The following VPS8 variants were observed in gnomAD, a reference collection of about 807,000 sequenced individuals.
VPS8 encodes vacuolar protein sorting-associated protein 8 homolog.
A neutral mutation model predicts 216.4 loss-of-function variants in VPS8; 129 were observed. The ratio of observed to expected loss-of-function variants is 0.60; its 90% CI spans 0.52 to 0.69. The LOEUF (loss-of-function observed/expected upper bound fraction) is 0.69, where lower values mean the gene tolerates loss of function less well. Ranked by LOEUF, VPS8 falls within the 30% of genes least tolerant of loss-of-function variation. The probability of loss-of-function intolerance (pLI) is 0.00; values close to 1 mark genes in which losing one functional copy is unlikely to be tolerated. For synonymous variants in VPS8, 571 were observed against 565.4 expected (o/e 1.01, Z -0.14); for missense variants, 1,531 against 1,683.5 (o/e 0.91, Z 1.59).
intron 42 of VPS8, 89 bp downstream of exon 42, chr3:184,983,183 T>C: frequency 2.5e-6 from 3 of 1,186,512 alleles, no homozygotes; most frequent in Non-Finnish European, 3.4e-6. Flanking sequence ...AATATTTAAA[T>C]GGATCTCAAG....
intron 22 of VPS8, among the ~76,000 whole-genome samples, chr3:184,886,546 TACAC>T (rs34621825): frequency 2.7e-5 from 4 of 150,320 alleles, no homozygotes; most frequent in African/African-American, 9.8e-5. Flanking sequence ...CACATATGTA[TACAC>T]ACACACACAC....
chr3:184,908,806 C>T (rs887942848), intron 25 of VPS8, among the ~76,000 whole-genome samples: 1 of 152,184 alleles, frequency 6.6e-6, no homozygotes, highest in Non-Finnish European at 1.5e-5. Context: ...CAGGGGTGGT[C>T]CCACTACCCG....
Position 184,814,203 on chromosome 3 carries a change from G to A in VPS8, c.-89+1978G>A, listed in dbSNP as rs559498041. ...GGCTTAAGCTAAAAGGGATTTATTGGCTCCAAACCTGGAAGGGGCTGGGGT... is the reference window on the plus strand; with the variant it reads ...GGCTTAAGCTAAAAGGGATTTATTGACTCCAAACCTGGAAGGGGCTGGGGT... On this transcript the variant is annotated intron_variant, in intron 1 of 47. Transcript: ENST00000625842. Among the ~76,000 whole-genome samples, 76 of 152,288 alleles carry A rather than the reference G, an allele frequency of 5.0e-4. No individual in the cohort carries two copies. In the Middle Eastern group the frequency reaches 0.01, roughly 20 times the overall value.
intron 34 of VPS8, among the ~76,000 whole-genome samples, chr3:184,934,292 TC>T (rs1741219031): frequency 6.6e-6 from 1 of 152,128 alleles, no homozygotes; most frequent in Non-Finnish European, 1.5e-5. Context: ...CTCCTCATCC[TC>T]CCTAAGTAGC....
intron 29 of VPS8, among the ~76,000 whole-genome samples, chr3:184,923,241 C>T (rs755969637): frequency 2.6e-5 from 4 of 152,046 alleles, no homozygotes; most frequent in Admixed American, 6.6e-5. Context: ...GAATTCAGCT[C>T]GCCCAAAACA....
At chr3:184,829,750 T>C (rs1004916440) in intron 3 of VPS8, among the ~76,000 whole-genome samples, 2 of 152,252 alleles carry the variant, frequency 1.3e-5, no homozygotes, top group African/African-American at 2.4e-5. Flanking sequence ...ATCATGATTT[T>C]AATTTGTATT....
At chr3:184,889,337 CA>C (rs1211086679) in intron 22 of VPS8, among the ~76,000 whole-genome samples, 1 of 152,112 alleles carries the variant, frequency 6.6e-6, no homozygotes, top group African/African-American at 2.4e-5. Context: ...ACAGGAACAG[CA>C]GTCATAGTAT....
intron 34 of VPS8, among the ~76,000 whole-genome samples, chr3:184,934,735 ATATTATTT>A (rs761525203): frequency 3.3e-5 from 5 of 152,142 alleles, no homozygotes; most frequent in Non-Finnish European, 2.9e-5. Flanking sequence ...TGATCCTGAT[ATATTATTT>A]TTATACATTG....
Position 185,052,013 on chromosome 3 carries a change from G to A in VPS8, c.4275G>A (p.Val1425=), listed in dbSNP as rs1367266047. The change falls in exon 48 of 48, where the codon GTG becomes GTA. Residue 1425 remains valine, a synonymous_variant. Coordinates refer to ENST00000625842, the MANE Select transcript of VPS8 (RefSeq NM_001009921.3). ...AGCTGCAGCTCATTCCTCCACCTGT[G>A]ACTGAGGATTGATGACTCCATGGAG... ...NFQLQLIPPP[V]TED 1 of 1,609,930 alleles carries A rather than the reference G, an allele frequency of 6.2e-7. No homozygotes were observed. Among genetic ancestry groups the A allele is most frequent in the South Asian group, 1.1e-5 (1 of 90,518 alleles).
chr3:185,036,253 A>G (rs1010357223), intron 46 of VPS8, among the ~76,000 whole-genome samples: 2 of 152,206 alleles, frequency 1.3e-5, no homozygotes, highest in Non-Finnish European at 2.9e-5. Context: ...AGAATTAGAA[A>G]AAAACTATTC....
intron 45 of VPS8, among the ~76,000 whole-genome samples, chr3:185,008,325 G>C (rs1191160789): frequency 6.6e-6 from 1 of 152,050 alleles, no homozygotes; most frequent in African/African-American, 2.4e-5. Flanking sequence ...CATTACTTCA[G>C]CCAGTATTTA....
At chr3:184,944,103 A>C (rs1045993586) in intron 36 of VPS8, among the ~76,000 whole-genome samples, 1 of 152,176 alleles carries the variant, frequency 6.6e-6, no homozygotes, top group South Asian at 2.1e-4. Context: ...TTGAGGGGGT[A>C]GTTTTTATTT....
At chr3:184,887,935 C>T (rs531798066) in intron 22 of VPS8, among the ~76,000 whole-genome samples, 3 of 151,502 alleles carry the variant, frequency 2.0e-5, no homozygotes, top group Non-Finnish European at 2.9e-5. Flanking sequence ...TCTAGTGTTA[C>T]GTAATTAGCA....
At position 185,003,116 on chromosome 3, in the gene VPS8, TTTTTTA is replaced by T. The variant is rs71632040; in HGVS notation, c.4002+3285_4002+3290del. Among the ~76,000 whole-genome samples the T allele has an allele frequency of 4.0e-3, 580 of 143,790 alleles. 3 individuals are homozygous for T. The highest frequency in any genetic ancestry group is 0.013 in the African/African-American group (529 of 39,264). The allele number at this position is 143,790 out of a possible 152,430, so 94.3% of individuals were successfully genotyped here. A position where few individuals can be genotyped will look rare whatever the true frequency, so the allele number is the denominator to read the frequency against. ...CCACATCCATGCCAACATCTAATAT[TTTTTTA>T]TTTTTATTTTTATTTTTATTTTTAT... On this transcript the variant is annotated intron_variant, in intron 45 of 47. Transcript: ENST00000625842.
At chr3:184,914,210 A>C (rs911548524) in intron 26 of VPS8, among the ~76,000 whole-genome samples, 5 of 152,160 alleles carry the variant, frequency 3.3e-5, no homozygotes, top group Non-Finnish European at 5.9e-5. Flanking sequence ...CCTGTTTCAC[A>C]CTTGTTACAT....
intron 46 of VPS8, among the ~76,000 whole-genome samples, chr3:185,039,791 T>C (rs550287399): frequency 6.6e-6 from 1 of 152,278 alleles, no homozygotes; most frequent in East Asian, 1.9e-4. Flanking sequence ...AAACATGCAG[T>C]AGAAATTGGG....
At chr3:185,028,053 A>G (rs938793343) in intron 46 of VPS8, among the ~76,000 whole-genome samples, 3 of 152,204 alleles carry the variant, frequency 2.0e-5, no homozygotes, top group Admixed American at 6.5e-5. Context: ...CTAATGAGGC[A>G]AGTCTTAGTG....
intron 46 of VPS8, among the ~76,000 whole-genome samples, chr3:185,044,859 T>A (rs1712505408): frequency 1.3e-5 from 2 of 152,208 alleles, no homozygotes; most frequent in Admixed American, 1.3e-4. Context: ...TGAGGGTCTA[T>A]GAAGAGTCAG....
intron 42 of VPS8, among the ~76,000 whole-genome samples, chr3:184,993,408 A>T (rs1408318693): frequency 6.6e-6 from 1 of 152,028 alleles, no homozygotes; most frequent in African/African-American, 2.4e-5. Context: ...CACATAATAA[A>T]CAAGTTACTT....
Sources: gnomAD v4.1 joint callset for allele counts (sites outside exome capture counted in the v4.1 genomes callset) on GRCh38, gnomAD v4.1.1 for gene constraint, MANE v1.5 for transcripts, NCBI Gene and HGNC (gene_info 2026-07-23, HGNC 2026-07-21) for gene names.